Variants in ZNF714 observed in about 807,000 individuals in gnomAD.
ZNF714 encodes the protein zinc finger protein 714.
In ZNF714, 32 loss-of-function variants were observed where a neutral mutation model predicts 46.2. That is an observed-to-expected ratio of 0.69 (90% confidence interval 0.52 to 0.93). ZNF714 has a LOEUF of 0.93. ZNF714 is among the 40% of genes least tolerant of loss of function. The pLI is 0.00. For synonymous variants in ZNF714, 199 were observed against 213.1 expected (o/e 0.93, Z 0.58); for missense variants, 635 against 646.3 (o/e 0.98, Z 0.19).
intron 2 of ZNF714, among the ~76,000 whole-genome samples, chr19:21,097,057 G>T (rs111532380): frequency 6.6e-6 from 1 of 151,790 alleles, no homozygotes; most frequent in Non-Finnish European, 1.5e-5. Flanking sequence ...TAATAGAGAC[G>T]GGGTTTCACT....
intron 2 of ZNF714, among the ~76,000 whole-genome samples, chr19:21,085,168 T>C (rs1361889869): frequency 6.6e-6 from 1 of 152,182 alleles, no homozygotes; most frequent in Non-Finnish European, 1.5e-5. Context: ...ATTTTGGCTG[T>C]AGAAAATGAA....
At chr19:21,093,282 G>A (rs962958306) in intron 2 of ZNF714, among the ~76,000 whole-genome samples, 10 of 151,528 alleles carry the variant, frequency 6.6e-5, no homozygotes, top group Non-Finnish European at 2.9e-5. Flanking sequence ...GCCCAGGCTG[G>A]AGTGTGATGG....
intron 4 of ZNF714, among the ~76,000 whole-genome samples, chr19:21,112,295 C>T (rs995190303): frequency 6.6e-6 from 1 of 152,166 alleles, no homozygotes; most frequent in African/African-American, 2.4e-5. Context: ...TTCAGGGATT[C>T]AACTTCTTCC....
chr19:21,112,146 G>A (rs1029082387), intron 4 of ZNF714, among the ~76,000 whole-genome samples: 1 of 152,116 alleles, frequency 6.6e-6, no homozygotes, highest in Admixed American at 6.5e-5. Flanking sequence ...CTATCATTTG[G>A]AATAGTTTCA....
Position 21,118,070 on chromosome 19 carries a change from C to A in ZNF714, c.1406C>A (p.Thr469Asn). ...GCTTTCAACCGATCCTCAAACCTTA[C>A]TAAACATAACATAATTCATACTGGA... is the stretch of plus-strand genomic sequence containing the variant. The part of the protein sequence containing the change: ...GKAFNRSSNL[T>N]KHNIIHTGEK... Residue 469 changes from threonine to asparagine, a missense_variant, in exon 5 of 5, where the codon ACT (threonine) becomes AAT (asparagine). By Grantham distance (65) the Thr-to-Asn change is moderately conservative. Transcript: ENST00000456283. 6.2e-7 allele frequency: 1 copy of A among 1,613,876 alleles called. No individual in the cohort carries two copies. Among genetic ancestry groups the A allele is most frequent in the South Asian group, 1.1e-5 (1 of 91,074 alleles).
intron 4 of ZNF714, among the ~76,000 whole-genome samples, chr19:21,108,194 C>A (rs1162062873): frequency 6.6e-6 from 1 of 152,220 alleles, no homozygotes; most frequent in Non-Finnish European, 1.5e-5. Context: ...CCACCTTCAT[C>A]TTCCAAATTA....
intron 4 of ZNF714, among the ~76,000 whole-genome samples, chr19:21,100,639 T>TTAAG (rs1299113064): frequency 6.6e-6 from 1 of 152,202 alleles, no homozygotes; most frequent in Non-Finnish European, 1.5e-5. Flanking sequence ...ATCAGATAGT[T>TTAAG]TAAGTGTATG....
At chr19:21,102,725 A>G (rs73926923) in intron 4 of ZNF714, among the ~76,000 whole-genome samples, 8,916 of 152,232 alleles carry the variant, frequency 0.059, 630 homozygotes, top group African/African-American at 0.18. Context: ...GTACACAAAT[A>G]TTGTAGTTAT....
Position 21,117,102 on chromosome 19 carries a change from A to G in ZNF714, c.438A>G (p.Lys146=), listed in dbSNP as rs1165855952. ...GACATACTGGAGAGAAACCTTTCAA[A>G]TGTAAAAAATGTGATGAATCATTTT... is the stretch of plus-strand genomic sequence containing the variant. ...KTRHTGEKPF[K]CKKCDESFCM... Residue 146 remains lysine (K), a synonymous_variant, in exon 5 of 5, where the codon AAA becomes AAG. Coordinates refer to ENST00000456283, the MANE Select transcript of ZNF714 (RefSeq NM_182515.4). 3 of 1,613,574 alleles carry G rather than the reference A, an allele frequency of 1.9e-6. No homozygotes were observed. The African/African-American group carries it at 4.0e-5, about 22-fold the overall frequency.
intron 4 of ZNF714, among the ~76,000 whole-genome samples, chr19:21,106,523 C>T (rs1018873686): frequency 4.8e-5 from 7 of 145,892 alleles, no homozygotes; most frequent in Admixed American, 3.5e-4. Flanking sequence ...GAGCCGAGAT[C>T]GTGCCACTGC....
chr19:21,090,189 G>A (rs988213839), intron 2 of ZNF714, among the ~76,000 whole-genome samples: 2 of 152,120 alleles, frequency 1.3e-5, no homozygotes, highest in East Asian at 3.9e-4. Flanking sequence ...GGTTACTCTG[G>A]GAATAGAAAA....
rs891848066 is a variant in ZNF714, at chr19:21,118,308, T to C, written c.1644T>C (p.Ala548=). ...TPSLLKIQKF[A]GCGGRRL ...CTCTACTAAAAATACAAAAATTTGC[T>C]GGGTGTGGTGGCAGGCGCCTGTAAT... is the stretch of plus-strand genomic sequence containing the variant. Residue 548 remains alanine (A), a synonymous_variant, in exon 5 of 5, where the codon GCT becomes GCC. Transcript: ENST00000456283. 3 of 1,000,676 alleles carry C rather than the reference T, an allele frequency of 3.0e-6. No homozygotes were observed. Among genetic ancestry groups the C allele is most frequent in the Non-Finnish European group, 4.4e-6 (3 of 689,306 alleles). 62.0% of individuals were successfully genotyped at this position (1,000,676 alleles called of 1,614,324 possible). A position where few individuals can be genotyped will look rare whatever the true frequency, so the allele number is the denominator to read the frequency against.
chr19:21,117,940 A>AAC lies in ZNF714; in HGVS notation c.1277_1278insCA (p.Lys426AsnfsTer49). The AAC allele has an allele frequency of 6.2e-7, 1 of 1,613,362 alleles. No individual in the cohort carries two copies. The highest frequency in any genetic ancestry group is 8.5e-7 in the Non-Finnish European group (1 of 1,179,914). ...AATTCATACTGGAGAGAAACTCTAC[A>AAC]AATGTGAAGAATGTGGCAAAGCTTT... On this transcript the variant is annotated frameshift_variant, in exon 5 of 5. Coordinates refer to ENST00000456283, the MANE Select transcript of ZNF714 (RefSeq NM_182515.4). LOFTEE classifies it high-confidence loss of function.
Position 21,117,840 on chromosome 19 carries a change from TGGAGAGAAACCTTACAA to T in ZNF714, c.1177_1193del (p.Gly393MetfsTer2), listed in dbSNP as rs1568283207. 1 of 1,612,194 alleles carries T rather than the reference TGGAGAGAAACCTTACAA, an allele frequency of 6.2e-7. No homozygotes were observed. Among genetic ancestry groups the T allele is most frequent in the South Asian group, 1.1e-5 (1 of 91,070 alleles). Reference sequence around the variant, plus strand: ...TTACTATACATAAGATAATTCATACTGGAGAGAAACCTTACAAATGTGAAGAATGTGGCAAAGCTTTT... The same window carrying T: ...TTACTATACATAAGATAATTCATACTATGTGAAGAATGTGGCAAAGCTTTT... On this transcript the variant is annotated frameshift_variant, in exon 5 of 5. Coordinates refer to ENST00000456283, the MANE Select transcript of ZNF714 (RefSeq NM_182515.4). LOFTEE classifies it high-confidence loss of function.
At chr19:21,098,378 A>C in intron 3 of ZNF714, 67 bp downstream of exon 3, 1 of 1,559,558 alleles carries the variant, frequency 6.4e-7, no homozygotes, top group Non-Finnish European at 8.7e-7. Flanking sequence ...TTTTTGTAGA[A>C]TTTTCTTTGG....
rs1969679240 is a variant in ZNF714 at position 21,119,893 on chromosome 19, T to A, written c.*1561T>A. On this transcript the variant is annotated 3_prime_UTR_variant, in exon 5 of 5. Transcript: ENST00000456283. The stretch of plus-strand genomic sequence containing the variant: ...AATTACATTCAAAGTATACTTTATT[T>A]CTTGAAAAATATTACAGATTTTTTG... 6.6e-6 allele frequency: 1 copy of A among 152,238 alleles called. No individual in the cohort carries two copies. The highest frequency in any genetic ancestry group is 1.5e-5 in the Non-Finnish European group (1 of 68,048). The allele number at this position is 152,238 out of a possible 1,614,324, so 9.4% of individuals were successfully genotyped here. A position where few individuals can be genotyped will look rare whatever the true frequency, so the allele number is the denominator to read the frequency against.
chr19:21,105,811 C>T (rs191686398), intron 4 of ZNF714, among the ~76,000 whole-genome samples: 161 of 151,812 alleles, frequency 1.1e-3, no homozygotes, highest in African/African-American at 3.7e-3. Flanking sequence ...AAAAATTAGC[C>T]GGGCGTGCTA....
In ZNF714 at chr19:21,117,314, C is replaced by G; in HGVS notation, c.650C>G (p.Thr217Ser). 1 of 1,612,124 alleles carries G rather than the reference C, an allele frequency of 6.2e-7. No individual in the cohort carries two copies. Among genetic ancestry groups the G allele is most frequent in the Non-Finnish European group, 8.5e-7 (1 of 1,178,574 alleles). ...GKAFKHSSTL[T>S]THKMIHTGEK... Reference sequence around the variant, plus strand: ...GCTTTTAAGCACTCCTCAACCCTTACTACACATAAGATGATTCATACTGGA... The same window carrying G: ...GCTTTTAAGCACTCCTCAACCCTTAGTACACATAAGATGATTCATACTGGA... Residue 217 changes from threonine (T) to serine (S), a missense_variant, in exon 5 of 5, where the codon ACT becomes AGT. Transcript: ENST00000456283.
In ZNF714 at chr19:21,125,082, A is replaced by G. The variant is rs1171870165; in HGVS notation, c.*6750A>G. The G allele has an allele frequency of 6.6e-6, 1 of 151,164 alleles. No individual in the cohort carries two copies. Among genetic ancestry groups the G allele is most frequent in the Non-Finnish European group, 1.5e-5 (1 of 67,764 alleles). The allele number at this position is 151,164 out of a possible 1,614,324, so 9.4% of individuals were successfully genotyped here. A position where few individuals can be genotyped will look rare whatever the true frequency, so the allele number is the denominator to read the frequency against. On this transcript the variant is annotated 3_prime_UTR_variant, in exon 5 of 5. Coordinates refer to ENST00000456283, the MANE Select transcript of ZNF714 (RefSeq NM_182515.4). ...CATGGAAAATCCCCGTCTCTACAAA[A>G]AAAAAAAAAAAATCTCAGCTGGGCA...
Sources: gnomAD v4.1 joint callset for allele counts (sites outside exome capture counted in the v4.1 genomes callset) on GRCh38, gnomAD v4.1.1 for gene constraint, MANE v1.5 for transcripts, NCBI Gene and HGNC (gene_info 2026-07-23, HGNC 2026-07-21) for gene names.